Variants in PDZD9 observed in about 807,000 individuals in gnomAD.
The protein encoded by PDZD9 is PDZ domain containing 9, also known as PDZ domain-containing protein 9.
PDZD9 carries 13 observed loss-of-function variants against 16.3 expected under a neutral mutation model. That is an observed-to-expected ratio of 0.80 (90% CI 0.52 to 1.27). The LOEUF is 1.27. Ranked by LOEUF, PDZD9 falls within the 50% of genes most tolerant of loss-of-function variation. PDZD9 has a pLI of 0.00. For synonymous variants in PDZD9, 120 were observed against 111.0 expected (o/e 1.08, Z -0.51); for missense variants, 288 against 310.9 (o/e 0.93, Z 0.55).
At chr16:21,998,298 T>A in intron 1 of PDZD9, 1 of 211,596 alleles carries the variant, frequency 4.7e-6, no homozygotes, top group South Asian at 8.9e-5. Context: ...CTCAAAAGGC[T>A]CCTTACAGAA....
intron 2 of PDZD9, among the ~76,000 whole-genome samples, chr16:21,995,772 A>T (rs1383403189): frequency 3.3e-5 from 5 of 151,794 alleles, no homozygotes; most frequent in Non-Finnish European, 5.9e-5. Flanking sequence ...TAATTTTTGT[A>T]TTTGTATTTA....
chr16:21,957,848 C>T, the PDZD9 span, among the ~76,000 whole-genome samples: 1 of 152,306 alleles, frequency 6.6e-6, no homozygotes, highest in South Asian at 2.1e-4. Context: ...TCCTAGCTTC[C>T]AGCAGTTGCC....
chr16:21,969,581 A>G, the PDZD9 span, among the ~76,000 whole-genome samples: 2 of 152,330 alleles, frequency 1.3e-5, no homozygotes, highest in South Asian at 4.1e-4. Context: ...GTGACTTTTA[A>G]GAATTTGTCT....
At chr16:21,983,387 GTATT>G (rs936640612), downstream of PDZD9, 8 of 520,816 alleles carry the variant, frequency 1.5e-5, no homozygotes, top group African/African-American at 5.9e-5. Context: ...TAATCAACAA[GTATT>G]TATTATGTGC....
chr16:21,992,311 A>C (rs1190221764), intron 2 of PDZD9, among the ~76,000 whole-genome samples: 1 of 152,188 alleles, frequency 6.6e-6, no homozygotes, highest in African/African-American at 2.4e-5. Flanking sequence ...GCCTAGGACA[A>C]ATATTTATTA....
At chr16:21,968,648 C>G in the PDZD9 span, 3 of 1,608,884 alleles carry the variant, frequency 1.9e-6, no homozygotes, top group South Asian at 3.3e-5. Flanking sequence ...TCGTTCAGAA[C>G]CATTTCACAA....
At chr16:21,976,165 A>G in the PDZD9 span, 1 of 1,613,458 alleles carries the variant, frequency 6.2e-7, no homozygotes, top group Non-Finnish European at 8.5e-7. Flanking sequence ...TATCTGTCCT[A>G]GGTTATCAAG....
chr16:21,965,481 G>T, the PDZD9 span: 3 of 1,607,066 alleles, frequency 1.9e-6, no homozygotes, highest in Non-Finnish European at 2.5e-6. Flanking sequence ...CTGACTATAG[G>T]ATTGGAAAAG....
chr16:21,980,808 G>T, downstream of PDZD9: 2 of 1,291,724 alleles, frequency 1.5e-6, no homozygotes, highest in Non-Finnish European at 2.1e-6. Flanking sequence ...TCTTATGTTT[G>T]GTGCTCATCT....
chr16:21,984,251 T>C lies in PDZD9; in HGVS notation c.*16A>G, dbSNP rs1391828008. The C allele has an allele frequency of 6.3e-7, 1 of 1,596,040 alleles. No homozygotes were observed. Among genetic ancestry groups the C allele is most frequent in the African/African-American group, 1.3e-5 (1 of 74,522 alleles). On this transcript the variant is annotated 3_prime_UTR_variant, in exon 4 of 4. Coordinates refer to ENST00000424898, the MANE Select transcript of PDZD9 (RefSeq NM_001363519.1). ...TGGGTGTCTGCAAGATAAATGCTCA[T>C]ATGACCACAGATTTGCTAACCAACC...
intron 2 of PDZD9, among the ~76,000 whole-genome samples, chr16:21,995,955 C>A (rs1429518516): frequency 2.0e-5 from 3 of 152,152 alleles, no homozygotes; most frequent in Admixed American, 2.0e-4. Flanking sequence ...CCACGCCTGG[C>A]TAATTTTTGT....
At chr16:21,992,762 G>A (rs1044171787) in intron 2 of PDZD9, among the ~76,000 whole-genome samples, 7 of 152,134 alleles carry the variant, frequency 4.6e-5, no homozygotes, top group Admixed American at 1.3e-4. Context: ...TTTGGGACTC[G>A]GACTGAGCCA....
At chr16:21,964,352 A>G in the PDZD9 span, among the ~76,000 whole-genome samples, 1 of 152,114 alleles carries the variant, frequency 6.6e-6, no homozygotes, top group Non-Finnish European at 1.5e-5. Context: ...GTCAGCCTCC[A>G]GGTTTACGTC....
Position 21,999,255 on chromosome 16 carries a change from G to A in PDZD9, c.31+1762C>T, listed in dbSNP as rs906625327. 1.4e-5 allele frequency: 3 copies of A among 217,242 alleles called. No individual in the cohort carries two copies. The South Asian group carries it at 2.6e-4, about 19-fold the overall frequency. 13.5% of individuals were successfully genotyped at this position (217,242 alleles called of 1,614,324 possible). A position where few individuals can be genotyped will look rare whatever the true frequency, so the allele number is the denominator to read the frequency against. On this transcript the variant is annotated intron_variant, in intron 1 of 3. Transcript: ENST00000424898. ...AAGTGCTCGCTAGGGCCCAGTGGCA[G>A]GGACCCTGGAACCCGAAGGTACTGA... is the stretch of plus-strand genomic sequence containing the variant.
At position 21,984,187 on chromosome 16, in the gene PDZD9, A is replaced by G. The variant is rs1358404779; in HGVS notation, c.*80T>C. On this transcript the variant is annotated 3_prime_UTR_variant, in exon 4 of 4. Coordinates refer to ENST00000424898, the MANE Select transcript of PDZD9 (RefSeq NM_001363519.1). ...TTGGTGAGTCTACAGACAGTCCTTGATAAGTACAGCAAACTTGTGCCTGGT... is the reference window on the plus strand; with the variant it reads ...TTGGTGAGTCTACAGACAGTCCTTGGTAAGTACAGCAAACTTGTGCCTGGT... The G allele has an allele frequency of 1.7e-5, 25 of 1,463,088 alleles. No homozygotes were observed. Among genetic ancestry groups the G allele is most frequent in the Admixed American group, 1.0e-4 (5 of 48,044 alleles). The allele number at this position is 1,463,088 out of a possible 1,614,324, so 90.6% of individuals were successfully genotyped here. A position where few individuals can be genotyped will look rare whatever the true frequency, so the allele number is the denominator to read the frequency against.
chr16:21,997,444 G>A (rs1028350683), intron 1 of PDZD9, among the ~76,000 whole-genome samples: 1 of 152,242 alleles, frequency 6.6e-6, no homozygotes, highest in Non-Finnish European at 1.5e-5. Context: ...GGCAGGAGGA[G>A]CGAGGACCAA....
chr16:21,985,856 T>C (rs544927500), intron 3 of PDZD9, among the ~76,000 whole-genome samples: 5 of 152,248 alleles, frequency 3.3e-5, no homozygotes, highest in Non-Finnish European at 5.9e-5. Flanking sequence ...TAATTTTTAC[T>C]GAGAGCCACT....
intron 2 of PDZD9, 29 bp from the exon 3 acceptor site, chr16:21,988,820 A>G (rs1348199652): frequency 6.5e-7 from 1 of 1,549,726 alleles, no homozygotes; most frequent in East Asian, 2.3e-5. Flanking sequence ...ATGTATCAGT[A>G]AAACTAGAGG....
chr16:21,970,063 C>T, the PDZD9 span, among the ~76,000 whole-genome samples: 3 of 151,998 alleles, frequency 2.0e-5, no homozygotes, highest in Admixed American at 1.3e-4. Flanking sequence ...TGGAGTCATA[C>T]GATATGTGGC....
Sources: allele counts gnomAD v4.1 joint callset (sites outside exome capture counted in the v4.1 genomes callset), GRCh38; gene constraint gnomAD v4.1.1; transcripts MANE v1.5; gene names NCBI Gene and HGNC (gene_info 2026-07-23, HGNC 2026-07-21).